GRIN2B: variants seen among roughly 807,000 people sequenced by gnomAD.
GRIN2B encodes the protein glutamate receptor ionotropic, NMDA 2B.
In GRIN2B, 5 loss-of-function variants were observed where a neutral mutation model predicts 114.5. The observed-to-expected ratio is 0.04, with a 90% CI of 0.02 to 0.09. GRIN2B has a LOEUF of 0.09. GRIN2B is among the 10% of genes least tolerant of loss of function. The probability of loss-of-function intolerance (pLI) is 1.00; values close to 1 mark genes in which losing one functional copy is unlikely to be tolerated. For synonymous variants in GRIN2B, 787 were observed against 745.1 expected, an observed-to-expected ratio of 1.06 and a Z score of -0.92; for missense variants, 1,108 against 1,943.5, an observed-to-expected ratio of 0.57 and a Z score of 8.08.
intron 4 of GRIN2B, among the ~76,000 whole-genome samples, chr12:13,720,136 G>A (rs549461030): frequency 2.0e-5 from 3 of 151,980 alleles, no homozygotes; most frequent in Admixed American, 6.6e-5. Context: ...AGTCAGCCTG[G>A]CTTTGTCTAA....
intron 2 of GRIN2B, among the ~76,000 whole-genome samples, chr12:13,866,780 A>G (rs564650876): frequency 1.3e-5 from 2 of 152,378 alleles, no homozygotes; most frequent in South Asian, 2.1e-4. Flanking sequence ...CCTTGTTAGT[A>G]TCTGGCTCTT....
At chr12:13,915,396 C>A (rs1866699145) in intron 2 of GRIN2B, among the ~76,000 whole-genome samples, 1 of 152,132 alleles carries the variant, frequency 6.6e-6, no homozygotes, top group Non-Finnish European at 1.5e-5. Flanking sequence ...AACCCCTGGC[C>A]ACAGGCAGGC....
chr12:13,789,621 T>C (rs1202855382), intron 3 of GRIN2B, among the ~76,000 whole-genome samples: 1 of 152,212 alleles, frequency 6.6e-6, no homozygotes, highest in Non-Finnish European at 1.5e-5. Flanking sequence ...AAACTGGTGA[T>C]AATAATTATG....
At chr12:13,868,759 T>G (rs1286855845) in intron 2 of GRIN2B, among the ~76,000 whole-genome samples, 1 of 152,232 alleles carries the variant, frequency 6.6e-6, no homozygotes, top group Admixed American at 6.5e-5. Context: ...AGTGGCTAGT[T>G]GTGACACCCA....
intron 5 of GRIN2B, among the ~76,000 whole-genome samples, chr12:13,675,160 A>G (rs997248045): frequency 5.9e-5 from 9 of 152,134 alleles, no homozygotes; most frequent in African/African-American, 1.9e-4. Context: ...TTCCTTCTCT[A>G]GATGAGAAAA....
chr12:13,640,510 C>G (rs1216218933), intron 5 of GRIN2B, among the ~76,000 whole-genome samples: 2 of 152,150 alleles, frequency 1.3e-5, no homozygotes, highest in Non-Finnish European at 2.9e-5. Context: ...GCATCCAATT[C>G]ATTCCCCCTC....
chr12:13,666,577 AT>A (rs950570449), intron 5 of GRIN2B, among the ~76,000 whole-genome samples: 2 of 152,070 alleles, frequency 1.3e-5, no homozygotes, highest in Non-Finnish European at 2.9e-5. Flanking sequence ...TTTAAATTTT[AT>A]TTTTTTGTTG....
Position 13,753,179 on chromosome 12 carries a change from C to T in GRIN2B, c.1010+138G>A, listed in dbSNP as rs1274863331. On this transcript the variant is annotated intron_variant, in intron 4 of 13. Transcript: ENST00000609686. This position sits in a 1 kb window ranked among gnomAD's most constrained non-coding sequence, Gnocchi z 6.2. The stretch of plus-strand genomic sequence containing the variant: ...TCCAAAACACTCCCCCAATCATGAC[C>T]AATTGCCATGCCCAAGGCCAGGCTT... 1.3e-6 allele frequency: 1 copy of T among 763,038 alleles called. No homozygotes were observed. The highest frequency in any genetic ancestry group is 1.7e-5 in the African/African-American group (1 of 58,974). The allele number at this position is 763,038 out of a possible 1,614,324, so 47.3% of individuals were successfully genotyped here.
intron 9 of GRIN2B, among the ~76,000 whole-genome samples, chr12:13,609,549 G>A (rs868346359): frequency 2.6e-5 from 4 of 152,074 alleles, no homozygotes; most frequent in South Asian, 2.1e-4. Flanking sequence ...CGAGGTGGGC[G>A]GATCACGAGG....
At chr12:13,789,958 C>T (rs1007310720) in intron 3 of GRIN2B, among the ~76,000 whole-genome samples, 6 of 152,142 alleles carry the variant, frequency 3.9e-5, no homozygotes, top group African/African-American at 9.7e-5. Flanking sequence ...TAGATTTTTA[C>T]GTTACTTAGC....
chr12:13,681,945 T>C (rs531317687), intron 4 of GRIN2B, among the ~76,000 whole-genome samples: 71 of 152,312 alleles, frequency 4.7e-4, no homozygotes, highest in African/African-American at 1.6e-3. Flanking sequence ...TGATTATTTA[T>C]ACACAGTACC....
At chr12:13,958,060 A>G (rs961415772) in intron 2 of GRIN2B, among the ~76,000 whole-genome samples, 2 of 152,172 alleles carry the variant, frequency 1.3e-5, no homozygotes, top group Non-Finnish European at 2.9e-5. Flanking sequence ...CCGTCACGGT[A>G]GAAAGTTTTA....
chr12:13,586,109 AACTT>A (rs1443079571), intron 10 of GRIN2B, among the ~76,000 whole-genome samples: 1 of 152,228 alleles, frequency 6.6e-6, no homozygotes, highest in East Asian at 1.9e-4. Flanking sequence ...TAAGCCAAAA[AACTT>A]ACTTTCAACC....
chr12:13,851,389 A>G (rs765727112), intron 3 of GRIN2B, among the ~76,000 whole-genome samples: 1 of 152,110 alleles, frequency 6.6e-6, no homozygotes, highest in African/African-American at 2.4e-5. Flanking sequence ...GCATTCACTC[A>G]ATGACATTGC....
Position 13,547,219 on chromosome 12 carries a change from G to A in GRIN2B, c.*15564C>T, listed in dbSNP as rs1375791244. ...AGCTGCCAGGAGGCTGGGAGGTGAG[G>A]AAGGGTTTCCAAGTAAGGAGCTTGG... On this transcript the variant is annotated 3_prime_UTR_variant, in exon 14 of 14. Transcript: ENST00000609686. 1 of 152,210 alleles carries A rather than the reference G, an allele frequency of 6.6e-6. No individual in the cohort carries two copies. Among genetic ancestry groups the A allele is most frequent in the African/African-American group, 2.4e-5 (1 of 41,452 alleles). The allele number at this position is 152,210 out of a possible 1,614,324, so 9.4% of individuals were successfully genotyped here. A position where few individuals can be genotyped will look rare whatever the true frequency, so the allele number is the denominator to read the frequency against.
At chr12:13,945,453 G>A (rs1867346500) in intron 2 of GRIN2B, among the ~76,000 whole-genome samples, 1 of 152,180 alleles carries the variant, frequency 6.6e-6, no homozygotes, top group South Asian at 2.1e-4. Context: ...CCTGGAGAAA[G>A]ATTATTTAGG....
At chr12:13,877,372 C>T (rs1591598659) in intron 2 of GRIN2B, among the ~76,000 whole-genome samples, 1 of 152,340 alleles carries the variant, frequency 6.6e-6, no homozygotes, top group East Asian at 1.9e-4. Flanking sequence ...TAGGTGCAAT[C>T]ACACATTTCC....
chr12:13,764,321 G>A (rs1863736868), intron 3 of GRIN2B, among the ~76,000 whole-genome samples: 1 of 152,130 alleles, frequency 6.6e-6, no homozygotes. Flanking sequence ...CAACATTCCT[G>A]GAGCCCATCT....
intron 8 of GRIN2B, among the ~76,000 whole-genome samples, chr12:13,614,673 C>G (rs1258563803): frequency 3.9e-5 from 6 of 152,180 alleles, no homozygotes; most frequent in African/African-American, 1.2e-4. Context: ...GAGCGCAATT[C>G]TTGCAGATAA....
Sources: allele counts gnomAD v4.1 joint callset (sites outside exome capture counted in the v4.1 genomes callset), GRCh38; gene constraint gnomAD v4.1.1; non-coding constraint Gnocchi (gnomAD v3.1); transcripts MANE v1.5; gene names NCBI Gene and HGNC (gene_info 2026-07-23, HGNC 2026-07-21).